Variants in NCAPD3 observed in about 807,000 individuals in gnomAD.
The protein encoded by NCAPD3 is condensin-2 complex subunit D3.
Under a neutral mutation model 182.9 loss-of-function variants are expected in NCAPD3, and 105 were observed. The observed-to-expected ratio is 0.57, with a 90% confidence interval of 0.49 to 0.68. The LOEUF (loss-of-function observed/expected upper bound fraction) is 0.68, where lower values mean the gene tolerates loss of function less well. Ranked by LOEUF, NCAPD3 falls within the 30% of genes least tolerant of loss-of-function variation. The pLI, the probability that NCAPD3 is intolerant of heterozygous loss-of-function variation, is 0.00. For missense variants in NCAPD3, 1,944 were observed against 1,837.0 expected, an observed-to-expected ratio of 1.06 and a Z score of -1.07; for synonymous variants, 815 against 679.9, an observed-to-expected ratio of 1.20 and a Z score of -3.09.
intron 11 of NCAPD3, among the ~76,000 whole-genome samples, 164 bp downstream of exon 11, chr11:134,203,490 T>C (rs1944791071): frequency 1.3e-5 from 2 of 152,244 alleles, no homozygotes; most frequent in Admixed American, 1.3e-4. Flanking sequence ...GGCTTGCCTA[T>C]TTAAAAAGTT....
chr11:134,167,853 C>A (rs569827185), intron 27 of NCAPD3, 143 bp downstream of exon 27: 96 of 716,624 alleles, frequency 1.3e-4, no homozygotes, highest in Non-Finnish European at 2.0e-4. Flanking sequence ...CTTGGGGGAG[C>A]AGCACACTCG....
Position 134,155,917 on chromosome 11 carries a change from A to C in NCAPD3, c.4252+1101T>G, listed in dbSNP as rs528854250. On this transcript the variant is annotated intron_variant, in intron 32 of 34. Transcript: ENST00000534548. ...GGGACCTGGATGAAAATTACCTCTA[A>C]CCTGTTAACTATTCTAAGAGATCAC... Among the ~76,000 whole-genome samples, 61 of 152,232 alleles carry C rather than the reference A, an allele frequency of 4.0e-4. No individual in the cohort carries two copies. In the East Asian group the frequency reaches 0.011, roughly 28 times the overall value.
chr11:134,157,129 C>T, intron 31 of NCAPD3, 34 bp from the exon 32 acceptor site: 11 of 1,536,566 alleles, frequency 7.2e-6, no homozygotes, highest in South Asian at 2.3e-5. Context: ...TCCAGAAATA[C>T]CCCCAAACAA....
In NCAPD3 at chr11:134,150,894, G is replaced by C. The variant is rs755313794; in HGVS notation, c.*2050C>G. The C allele has an allele frequency of 6.6e-6, 1 of 152,320 alleles. No homozygotes were observed. Among genetic ancestry groups the C allele is most frequent in the South Asian group, 2.1e-4 (1 of 4,828 alleles). The allele number at this position is 152,320 out of a possible 1,614,324, so 9.4% of individuals were successfully genotyped here. A position where few individuals can be genotyped will look rare whatever the true frequency, so the allele number is the denominator to read the frequency against. On this transcript the variant is annotated 3_prime_UTR_variant, in exon 35 of 35. Transcript: ENST00000534548. ...GCCAGGTGAAAGGCCTGGCGGGGAG[G>C]AAAGTGAAACGCCTGAATCAAAAGC...
intron 3 of NCAPD3, among the ~76,000 whole-genome samples, chr11:134,212,431 T>C (rs919447301): frequency 2.0e-5 from 3 of 147,682 alleles, no homozygotes; most frequent in Non-Finnish European, 3.0e-5. Context: ...TCTGGATCTG[T>C]TGCCCAGGCT....
intron 25 of NCAPD3, 39 bp from the exon 26 acceptor site, chr11:134,168,641 C>T (rs951105419): frequency 6.2e-7 from 1 of 1,612,576 alleles, no homozygotes; most frequent in Non-Finnish European, 8.5e-7. Context: ...ATCACATGGG[C>T]ACGGGTGTAA....
chr11:134,154,486 C>CT (rs965381879), intron 32 of NCAPD3, among the ~76,000 whole-genome samples: 2 of 150,126 alleles, frequency 1.3e-5, no homozygotes, highest in African/African-American at 2.5e-5. Context: ...CACCCCCCCC[C>CT]CCACCGCCCC....
intron 27 of NCAPD3, among the ~76,000 whole-genome samples, chr11:134,165,385 G>A (rs376631958): frequency 1.3e-5 from 2 of 151,120 alleles, no homozygotes; most frequent in African/African-American, 4.9e-5. Flanking sequence ...GATAAGCTTC[G>A]GGGAAGGGGC....
intron 3 of NCAPD3, among the ~76,000 whole-genome samples, chr11:134,212,220 T>C (rs1436098898): frequency 6.6e-6 from 1 of 152,224 alleles, no homozygotes; most frequent in Non-Finnish European, 1.5e-5. Flanking sequence ...AGGAAAATTA[T>C]AGGAGATTAA....
chr11:134,206,679 A>C lies in NCAPD3; in HGVS notation c.936T>G (p.Val312=). Residue 312 remains valine (V), a synonymous_variant, in exon 8 of 35, where the codon GTT becomes GTG. Coordinates refer to ENST00000534548, the MANE Select transcript of NCAPD3 (RefSeq NM_015261.3). ...GGGGGGCACGATGGGATCCTTCACC[A>C]ACTTCTAACATTAATATTACACTGA... ...QMLSVILMLE[V]GEGSHRAPLA... 2 of 1,613,552 alleles carry C rather than the reference A, an allele frequency of 1.2e-6. No individual in the cohort carries two copies. Among genetic ancestry groups the C allele is most frequent in the Non-Finnish European group, 1.7e-6 (2 of 1,179,648 alleles).
intron 32 of NCAPD3, 63 bp downstream of exon 32, chr11:134,156,955 C>G: frequency 7.0e-7 from 1 of 1,423,318 alleles, no homozygotes; most frequent in Non-Finnish European, 9.8e-7. Flanking sequence ...GCGACTCTAG[C>G]AAACACATCA....
chr11:134,163,871 CAAAAAAAAAAA>C (rs60340458), intron 27 of NCAPD3, among the ~76,000 whole-genome samples: 3 of 70,904 alleles, frequency 4.2e-5, no homozygotes, highest in African/African-American at 1.6e-4. Flanking sequence ...GATTCTGTCT[CAAAAAAAAAAA>C]AAAAAAAAAA....
Position 134,193,833 on chromosome 11 carries a change from A to C in NCAPD3, c.1824+183T>G, listed in dbSNP as rs571708215. The stretch of plus-strand genomic sequence containing the variant: ...TAGCATTAGTTCCTAATTATGTTTA[A>C]TAGGAAGCACAGTCTATCACACATA... On this transcript the variant is annotated intron_variant, in intron 15 of 34. Coordinates refer to ENST00000534548, the MANE Select transcript of NCAPD3 (RefSeq NM_015261.3). Among the ~76,000 whole-genome samples, 11 of 152,376 alleles carry C rather than the reference A, an allele frequency of 7.2e-5. No individual in the cohort carries two copies. In the South Asian group the frequency reaches 1.9e-3, roughly 26 times the overall value.
rs1457979605 is a variant in NCAPD3, at chr11:134,151,262, C to G, written c.*1682G>C. ...TGTGAAACACTTTGCCGCAGGCCGC[C>G]TGGCAGAGGCAGGAAATGCTCCAGC... On this transcript the variant is annotated 3_prime_UTR_variant, in exon 35 of 35. Transcript: ENST00000534548. 1.3e-5 allele frequency: 2 copies of G among 152,244 alleles called. No homozygotes were observed. Among genetic ancestry groups the G allele is most frequent in the Non-Finnish European group, 2.9e-5 (2 of 68,076 alleles). The allele number at this position is 152,244 out of a possible 1,614,324, so 9.4% of individuals were successfully genotyped here.
intron 16 of NCAPD3, among the ~76,000 whole-genome samples, chr11:134,191,089 C>T (rs1944514149): frequency 6.6e-6 from 1 of 152,212 alleles, no homozygotes; most frequent in African/African-American, 2.4e-5. Flanking sequence ...ACATCTTCTG[C>T]AAGGTTCCTC....
At chr11:134,181,217 C>T in intron 19 of NCAPD3, 33 bp from the exon 20 acceptor site, 1 of 1,415,250 alleles carries the variant, frequency 7.1e-7, no homozygotes, top group Non-Finnish European at 1.0e-6. Flanking sequence ...TCTGAAGGGC[C>T]CCGCACATCT....
In NCAPD3 at chr11:134,153,185, C is replaced by T. The variant is rs543579233; in HGVS notation, c.4343G>A (p.Arg1448Gln). 1.0e-4 allele frequency: 163 copies of T among 1,614,012 alleles called. No homozygotes were observed. The highest frequency in any genetic ancestry group is 1.3e-4 in the Non-Finnish European group (156 of 1,180,004). ...ACATAAGATGTCATTTCCTTGACTC[C>T]GGCCTTCAATTTTCTCTAAAAGGGA... ...PSSAKEKIEGRSQGNDILCLS... is the reference protein window; with the variant it reads ...PSSAKEKIEGQSQGNDILCLS... Residue 1448 changes from arginine (R) to glutamine (Q), a missense_variant, in exon 34 of 35, where the codon CGG becomes CAG. Physicochemically the swap from Arg to Gln is conservative, Grantham distance 43. Coordinates refer to ENST00000534548, the MANE Select transcript of NCAPD3 (RefSeq NM_015261.3).
At chr11:134,224,031 C>A, upstream of NCAPD3, 1 of 1,380,996 alleles carries the variant, frequency 7.2e-7, no homozygotes, top group Non-Finnish European at 1.0e-6. Context: ...ACAGAATTTC[C>A]CACTGGCCAA....
At chr11:134,188,943 C>G (rs1944469143) in intron 16 of NCAPD3, among the ~76,000 whole-genome samples, 1 of 152,140 alleles carries the variant, frequency 6.6e-6, no homozygotes. Flanking sequence ...ACCCACTCTC[C>G]TGGCACCATG....
Sources: allele counts gnomAD v4.1 joint callset (sites outside exome capture counted in the v4.1 genomes callset), GRCh38; gene constraint gnomAD v4.1.1; transcripts MANE v1.5; gene names NCBI Gene and HGNC (gene_info 2026-07-23, HGNC 2026-07-21).